The following HCN1 variants were observed in gnomAD, a reference collection of about 807,000 sequenced individuals.
HCN1 encodes the protein potassium/sodium hyperpolarization-activated cyclic nucleotide-gated channel 1.
HCN1 carries 13 observed loss-of-function variants against 78.9 expected under a neutral mutation model. That is an observed-to-expected ratio of 0.16 (90% CI 0.11 to 0.26). The LOEUF is 0.26. HCN1 is among the 10% of genes least tolerant of loss of function. The probability of loss-of-function intolerance (pLI) is 1.00; values close to 1 mark genes in which losing one functional copy is unlikely to be tolerated. For missense variants in HCN1, 810 were observed against 1,154.3 expected (o/e 0.70, Z 4.32); for synonymous variants, 552 against 455.5 (o/e 1.21, Z -2.70).
At chr5:45,378,657 T>A (rs1046790330) in intron 4 of HCN1, among the ~76,000 whole-genome samples, 1 of 152,168 alleles carries the variant, frequency 6.6e-6, no homozygotes, top group African/African-American at 2.4e-5. Context: ...AGTTCTAGGG[T>A]ACATGTGCAC....
At chr5:45,636,961 A>G (rs1435920043) in intron 2 of HCN1, among the ~76,000 whole-genome samples, 1 of 152,234 alleles carries the variant, frequency 6.6e-6, no homozygotes. Context: ...TCATAGAAAC[A>G]TTCATAATAT....
At chr5:45,612,266 A>G (rs1157213010) in intron 2 of HCN1, among the ~76,000 whole-genome samples, 3 of 152,190 alleles carry the variant, frequency 2.0e-5, no homozygotes, top group Non-Finnish European at 4.4e-5. Flanking sequence ...TTTGATTTTA[A>G]GTGTCTTCCA....
intron 6 of HCN1, among the ~76,000 whole-genome samples, chr5:45,277,211 T>C (rs1048559024): frequency 6.6e-6 from 1 of 152,136 alleles, no homozygotes; most frequent in Non-Finnish European, 1.5e-5. Flanking sequence ...CTCCAACAGG[T>C]AAATTTGTTC....
chr5:45,317,820 AT>A (rs1298949710), intron 5 of HCN1, among the ~76,000 whole-genome samples: 1 of 152,246 alleles, frequency 6.6e-6, no homozygotes, highest in South Asian at 2.1e-4. Context: ...AAAAATGCTC[AT>A]CATCACTGGC....
chr5:45,521,445 G>A (rs894328047), intron 2 of HCN1, among the ~76,000 whole-genome samples: 13 of 152,068 alleles, frequency 8.5e-5, no homozygotes, highest in African/African-American at 3.1e-4. Context: ...AGGTTTGTGA[G>A]GAAAAATCTG....
chr5:45,594,035 T>C (rs993172126), intron 2 of HCN1, among the ~76,000 whole-genome samples: 1 of 152,126 alleles, frequency 6.6e-6, no homozygotes, highest in Non-Finnish European at 1.5e-5. Context: ...GTCAGACACT[T>C]TGAGAGCTAC....
At chr5:45,316,122 T>C (rs1305851175) in intron 5 of HCN1, among the ~76,000 whole-genome samples, 1 of 152,088 alleles carries the variant, frequency 6.6e-6, no homozygotes, top group East Asian at 1.9e-4. Context: ...AAAGAGAATT[T>C]TAGACCAATA....
chr5:45,497,612 G>T (rs1309677713), intron 2 of HCN1, among the ~76,000 whole-genome samples: 1 of 152,032 alleles, frequency 6.6e-6, no homozygotes, highest in African/African-American at 2.4e-5. Context: ...ACGTGAGATG[G>T]GTTTCCTGAA....
At chr5:45,579,652 G>C (rs917885648) in intron 2 of HCN1, among the ~76,000 whole-genome samples, 3 of 152,026 alleles carry the variant, frequency 2.0e-5, no homozygotes, top group Non-Finnish European at 2.9e-5. Flanking sequence ...TCAATCTAAG[G>C]TTTAGATATT....
intron 5 of HCN1, among the ~76,000 whole-genome samples, chr5:45,323,156 G>A (rs1177007701): frequency 1.3e-5 from 2 of 151,762 alleles, no homozygotes; most frequent in East Asian, 3.9e-4. Flanking sequence ...TACAGGTTAA[G>A]CATTTCTGAG....
chr5:45,307,534 T>C (rs1241676680), intron 5 of HCN1, among the ~76,000 whole-genome samples: 1 of 152,120 alleles, frequency 6.6e-6, no homozygotes, highest in Admixed American at 6.6e-5. Flanking sequence ...CATTTTACTT[T>C]TGTGGCATTC....
chr5:45,503,370 C>G (rs994289075), intron 2 of HCN1, among the ~76,000 whole-genome samples: 1 of 151,724 alleles, frequency 6.6e-6, no homozygotes, highest in Non-Finnish European at 1.5e-5. Flanking sequence ...GTATCTCTAA[C>G]GAATAAATAG....
intron 5 of HCN1, among the ~76,000 whole-genome samples, chr5:45,304,343 G>A (rs534079404): frequency 1.1e-4 from 16 of 151,782 alleles, no homozygotes; most frequent in Non-Finnish European, 1.9e-4. Flanking sequence ...GAGGACAATG[G>A]ATAGTACAGA....
At chr5:45,455,580 G>T (rs1035185495) in intron 3 of HCN1, among the ~76,000 whole-genome samples, 3 of 151,794 alleles carry the variant, frequency 2.0e-5, no homozygotes, top group Non-Finnish European at 4.4e-5. Context: ...TAGCTAAGAA[G>T]CTACGTACAA....
At chr5:45,424,119 C>CAAAAAAAAAA (rs35117761) in intron 3 of HCN1, among the ~76,000 whole-genome samples, 122 of 67,376 alleles carry the variant, frequency 1.8e-3, no homozygotes, top group African/African-American at 3.2e-3. Flanking sequence ...ACTAAAAATC[C>CAAAAAAAAAA]AAAAAAAAAA....
rs1245572393 is a variant in HCN1 at position 45,649,157 on chromosome 5, CCCCTCAAATCCCTTTCTACTTCT to C, written c.426-3572_426-3550del. On this transcript the variant is annotated intron_variant, in intron 1 of 7. Coordinates refer to ENST00000303230, the MANE Select transcript of HCN1 (RefSeq NM_021072.4). ...TCTTTCTACCTAACAGCCCTCAAAT[CCCCTCAAATCCCTTTCTACTTCT>C]CCCTCAAATCCCATTCTGGCAATGA... is the stretch of plus-strand genomic sequence containing the variant. Among the ~76,000 whole-genome samples the C allele has an allele frequency of 5.3e-5, 8 of 152,010 alleles. No individual in the cohort carries two copies. In the South Asian group the frequency reaches 1.7e-3, roughly 31 times the overall value.
chr5:45,429,671 A>C (rs534456524), intron 3 of HCN1, among the ~76,000 whole-genome samples: 9 of 152,322 alleles, frequency 5.9e-5, no homozygotes, highest in African/African-American at 2.2e-4. Context: ...TTTGGAAGGA[A>C]TATTGAATTG....
chr5:45,640,640 TCTC>T (rs1204198706), intron 2 of HCN1, among the ~76,000 whole-genome samples: 3 of 150,912 alleles, frequency 2.0e-5, no homozygotes, highest in Admixed American at 6.6e-5. Flanking sequence ...AATGGCATGA[TCTC>T]AGCTCACTGC....
intron 1 of HCN1, among the ~76,000 whole-genome samples, chr5:45,693,527 C>T (rs1249444155): frequency 6.6e-6 from 1 of 152,016 alleles, no homozygotes; most frequent in Admixed American, 6.6e-5. Context: ...TTAATCATTT[C>T]CCATTTCTTT....
Sources: gnomAD v4.1 joint callset for allele counts (sites outside exome capture counted in the v4.1 genomes callset) on GRCh38, gnomAD v4.1.1 for gene constraint, MANE v1.5 for transcripts, NCBI Gene and HGNC (gene_info 2026-07-23, HGNC 2026-07-21) for gene names.